The following DIS3L2 variants were observed in gnomAD, a reference collection of about 807,000 sequenced individuals.
DIS3L2 encodes the protein DIS3-like exonuclease 2.
Under a neutral mutation model 97.5 loss-of-function variants are expected in DIS3L2, and 34 were observed. The observed-to-expected ratio is 0.35, with a 90% CI of 0.27 to 0.46. The LOEUF is 0.46. Among genes scored for constraint, DIS3L2 ranks in the 20% least tolerant of loss-of-function variants. The pLI, the probability that DIS3L2 is intolerant of heterozygous loss-of-function variation, is 1.00. For synonymous variants in DIS3L2, 435 were observed against 445.2 expected, an observed-to-expected ratio of 0.98 and a Z score of 0.29; for missense variants, 1,038 against 1,146.0, an observed-to-expected ratio of 0.91 and a Z score of 1.36.
At chr2:232,333,759 G>GC in intron 16 of DIS3L2, 81 bp from the exon 17 acceptor site, 2 of 1,413,186 alleles carry the variant, frequency 1.4e-6, no homozygotes, top group Non-Finnish European at 1.9e-6. Flanking sequence ...TGCCGACGGT[G>GC]AGGCTGTGGG....
At chr2:232,321,499 C>T (rs1020699278) in intron 14 of DIS3L2, among the ~76,000 whole-genome samples, 2 of 152,100 alleles carry the variant, frequency 1.3e-5, no homozygotes, top group Non-Finnish European at 2.9e-5. Flanking sequence ...CCACTGCTGC[C>T]GTGGCCCGTG....
chr2:232,189,782 A>G (rs919769710), intron 9 of DIS3L2, among the ~76,000 whole-genome samples: 6 of 152,224 alleles, frequency 3.9e-5, no homozygotes, highest in African/African-American at 1.4e-4. Flanking sequence ...TGGTTTTGAT[A>G]TTGTACTACA....
intron 6 of DIS3L2, among the ~76,000 whole-genome samples, chr2:232,098,705 A>G (rs937930540): frequency 6.6e-6 from 1 of 152,024 alleles, no homozygotes; most frequent in African/African-American, 2.4e-5. Flanking sequence ...TGCTTTTTTA[A>G]TATCATTTGC....
chr2:232,230,128 C>T (rs1043664155), intron 10 of DIS3L2, among the ~76,000 whole-genome samples: 11 of 152,142 alleles, frequency 7.2e-5, no homozygotes, highest in African/African-American at 2.4e-4. Context: ...GATTACATAA[C>T]GAATACCACA....
chr2:232,243,794 C>A (rs1203910647), intron 11 of DIS3L2, among the ~76,000 whole-genome samples: 1 of 152,152 alleles, frequency 6.6e-6, no homozygotes, highest in East Asian at 1.9e-4. Context: ...CTTTGCTGTC[C>A]CCTCGGAGAT....
At chr2:232,186,342 C>T (rs1346556869) in intron 9 of DIS3L2, among the ~76,000 whole-genome samples, 1 of 152,164 alleles carries the variant, frequency 6.6e-6, no homozygotes, top group Non-Finnish European at 1.5e-5. Context: ...TACGAACTTT[C>T]ATCATTCAAC....
At chr2:232,190,573 G>A (rs900999351) in intron 9 of DIS3L2, among the ~76,000 whole-genome samples, 5 of 151,768 alleles carry the variant, frequency 3.3e-5, no homozygotes, top group African/African-American at 1.2e-4. Context: ...ATGAGAGAGA[G>A]AGAAAGAAGA....
intron 8 of DIS3L2, among the ~76,000 whole-genome samples, chr2:232,140,446 A>G (rs989183959): frequency 6.6e-6 from 1 of 152,210 alleles, no homozygotes; most frequent in South Asian, 2.1e-4. Context: ...GACTAGGAAG[A>G]TGTTGCACCA....
chr2:232,333,689 C>A, intron 16 of DIS3L2, 151 bp from the exon 17 acceptor site: 1 of 1,236,244 alleles, frequency 8.1e-7, no homozygotes, highest in Non-Finnish European at 1.1e-6. Flanking sequence ...GGGCCCTGGC[C>A]CCAGTCCTCC....
At chr2:232,048,149 A>T (rs1245080234) in intron 5 of DIS3L2, among the ~76,000 whole-genome samples, 1 of 152,216 alleles carries the variant, frequency 6.6e-6, no homozygotes, top group Non-Finnish European at 1.5e-5. Flanking sequence ...ATAGATCACT[A>T]AAAGATACTG....
chr2:232,295,699 T>G (rs951247959), intron 13 of DIS3L2, among the ~76,000 whole-genome samples: 2 of 152,246 alleles, frequency 1.3e-5, no homozygotes, highest in Non-Finnish European at 2.9e-5. Flanking sequence ...AAGAGTTGTA[T>G]TCACTCATGA....
intron 12 of DIS3L2, among the ~76,000 whole-genome samples, chr2:232,255,085 C>G (rs1559177024): frequency 6.6e-6 from 1 of 152,210 alleles, no homozygotes; most frequent in Non-Finnish European, 1.5e-5. Flanking sequence ...GGTCCTTCCT[C>G]AAGACACTGG....
In DIS3L2 at chr2:232,319,625, G is replaced by T. The variant is rs536748768; in HGVS notation, c.1740-10188G>T. On this transcript the variant is annotated intron_variant, in intron 14 of 20. Transcript: ENST00000325385. ...ATTCTCACCCAGGGGAGGCCTGAAG[G>T]CTGCCTGGGCTTGGCTGCCTGGGCT... 2.0e-5 allele frequency among the ~76,000 whole-genome samples: 3 copies of T among 152,250 alleles called. No homozygotes were observed. The East Asian group carries it at 5.8e-4, about 29-fold the overall frequency.
At chr2:232,254,110 G>C (rs1354576065) in intron 12 of DIS3L2, among the ~76,000 whole-genome samples, 1 of 152,154 alleles carries the variant, frequency 6.6e-6, no homozygotes, top group African/African-American at 2.4e-5. Context: ...ACACCTAACA[G>C]TGACTACTAA....
chr2:232,198,084 C>T (rs535696862), intron 9 of DIS3L2, among the ~76,000 whole-genome samples: 1 of 152,154 alleles, frequency 6.6e-6, no homozygotes, highest in South Asian at 2.1e-4. Context: ...CCCTTTGAGT[C>T]ATAGCTCTGC....
chr2:232,062,170 C>A (rs1274997204), intron 5 of DIS3L2, among the ~76,000 whole-genome samples: 1 of 152,162 alleles, frequency 6.6e-6, no homozygotes, highest in Non-Finnish European at 1.5e-5. Context: ...ATGTTGCTTT[C>A]TCTGGAGTCA....
At position 232,268,190 on chromosome 2, in the gene DIS3L2, G is replaced by T. The variant is rs1034346413; in HGVS notation, c.1659+4750G>T. ...CAGAGGAAGTTGAAGTAGTGGTGGAGAAAACCTGATGTTACCATCTTCCCA... is the reference window on the plus strand; with the variant it reads ...CAGAGGAAGTTGAAGTAGTGGTGGATAAAACCTGATGTTACCATCTTCCCA... On this transcript the variant is annotated intron_variant, in intron 13 of 20. Transcript: ENST00000325385. The surrounding 1 kb of genome is among the most constrained non-coding windows in gnomAD (Gnocchi z 4.1). Among the ~76,000 whole-genome samples, 1 of 152,186 alleles carries T rather than the reference G, an allele frequency of 6.6e-6. No homozygotes were observed. Among genetic ancestry groups the T allele is most frequent in the African/African-American group, 2.4e-5 (1 of 41,448 alleles).
chr2:232,207,368 C>A (rs1205734638), intron 9 of DIS3L2, among the ~76,000 whole-genome samples: 1 of 152,178 alleles, frequency 6.6e-6, no homozygotes, highest in Non-Finnish European at 1.5e-5. Flanking sequence ...ACCTCCTGGG[C>A]ACTTCCTATT....
At chr2:232,214,469 A>G (rs1327153955) in intron 10 of DIS3L2, among the ~76,000 whole-genome samples, 3 of 152,156 alleles carry the variant, frequency 2.0e-5, no homozygotes, top group African/African-American at 7.2e-5. Flanking sequence ...GTCTCATTTG[A>G]CAACCTATCA....
Sources: gnomAD v4.1 joint callset for allele counts (sites outside exome capture counted in the v4.1 genomes callset) on GRCh38, gnomAD v4.1.1 for gene constraint, Gnocchi (gnomAD v3.1) non-coding constraint, MANE v1.5 for transcripts, NCBI Gene and HGNC (gene_info 2026-07-23, HGNC 2026-07-21) for gene names.